The following RCOR2 variants were observed in gnomAD, a reference collection of about 807,000 sequenced individuals.
RCOR2 encodes REST corepressor 2.
Under a neutral mutation model 58.9 loss-of-function variants are expected in RCOR2, and 19 were observed. That is an observed-to-expected ratio of 0.32 (90% CI 0.23 to 0.47). The LOEUF is 0.47. Ranked by LOEUF, RCOR2 falls within the 20% of genes least tolerant of loss-of-function variation. RCOR2 has a pLI of 1.00. For missense variants in RCOR2, 590 were observed against 707.9 expected (o/e 0.83, Z 1.89); for synonymous variants, 286 against 278.7 (o/e 1.03, Z -0.26).
At chr11:63,915,018 C>T (rs372679870) in intron 3 of RCOR2, 64 bp from the exon 4 acceptor site, 152 of 1,600,150 alleles carry the variant, frequency 9.5e-5, no homozygotes, top group Middle Eastern at 3.3e-4. Flanking sequence ...CAGGCCTGTC[C>T]AGAAAGGGAC....
chr11:63,918,378 C>T (rs1941890793), upstream of RCOR2, among the ~76,000 whole-genome samples: 1 of 152,174 alleles, frequency 6.6e-6, no homozygotes, highest in East Asian at 1.9e-4. Context: ...TTCCCGGGGA[C>T]TCCTGCGGAC....
Position 63,915,146 on chromosome 11 carries a change from GC to G in RCOR2, c.265+31del, listed in dbSNP as rs374390957. 7 of 1,540,796 alleles carry G rather than the reference GC, an allele frequency of 4.5e-6. No individual in the cohort carries two copies. The African/African-American group carries it at 9.6e-5, about 21-fold the overall frequency. On this transcript the variant is annotated intron_variant, in intron 3 of 11. Transcript: ENST00000301459. ...TAGCTTGGAGCTGGGATGAACCCAA[GC>G]CCCCACCTCCCAGGGCTGTGCCCCA...
Position 63,914,700 on chromosome 11 carries a change from C to T in RCOR2, c.435G>A (p.Gln145=). 3.7e-6 allele frequency: 6 copies of T among 1,611,976 alleles called. No homozygotes were observed. Among genetic ancestry groups the T allele is most frequent in the Non-Finnish European group, 5.1e-6 (6 of 1,178,900 alleles). ...AGCATTTGCCATGGAAGCCAAAGGC[C>T]TGTTCAAACAGCACCTTGTCCTCTA... is the stretch of plus-strand genomic sequence containing the variant. ...WTVEDKVLFE[Q]AFGFHGKCFQ... The change falls in exon 5 of 12, where the codon CAG becomes CAA. Residue 145 remains glutamine (Q), a synonymous_variant. Coordinates refer to ENST00000301459, the MANE Select transcript of RCOR2 (RefSeq NM_173587.4).
rs1941831670 is a variant in RCOR2 at position 63,914,721 on chromosome 11, C to T, written c.414G>A (p.Glu138=). 1.9e-6 allele frequency: 3 copies of T among 1,613,444 alleles called. No homozygotes were observed. The highest frequency in any genetic ancestry group is 1.7e-6 in the Non-Finnish European group (2 of 1,179,706). ...FTPFPDEWTV[E]DKVLFEQAFG... ...AGGCCTGTTCAAACAGCACCTTGTC[C>T]TCTACTGTCCACTCGTCAGGGAATG... The change falls in exon 5 of 12, where the codon GAG becomes GAA. Residue 138 remains glutamate (E), a synonymous_variant. Transcript: ENST00000301459.
At chr11:63,923,927 A>G in the RCOR2 span, among the ~76,000 whole-genome samples, 1 of 152,176 alleles carries the variant, frequency 6.6e-6, no homozygotes, top group Non-Finnish European at 1.5e-5. Flanking sequence ...TTATTCATTG[A>G]GGCGGAGTTT....
At chr11:63,926,779 GTTTT>G in the RCOR2 span, among the ~76,000 whole-genome samples, 4 of 119,242 alleles carry the variant, frequency 3.4e-5, no homozygotes, top group African/African-American at 1.2e-4. Flanking sequence ...TGCCTGGCCT[GTTTT>G]TTTTTTTTGT....
the RCOR2 span, among the ~76,000 whole-genome samples, chr11:63,922,900 C>T: frequency 2.0e-5 from 3 of 152,176 alleles, no homozygotes; most frequent in African/African-American, 4.8e-5. Context: ...CAGCCCTTCC[C>T]TCAGGGCTGC....
chr11:63,914,227 A>G, intron 7 of RCOR2, 34 bp downstream of exon 7: 1 of 1,613,408 alleles, frequency 6.2e-7, no homozygotes, highest in Non-Finnish European at 8.5e-7. Flanking sequence ...GCAAGAGGAC[A>G]GGCAGGCAGG....
chr11:63,921,978 C>T (rs865874313), upstream of RCOR2, among the ~76,000 whole-genome samples: 15 of 152,330 alleles, frequency 9.8e-5, no homozygotes, highest in South Asian at 2.1e-4. Context: ...GGGCATGAGG[C>T]AGTGCCCTCA....
chr11:63,925,732 C>T, the RCOR2 span, among the ~76,000 whole-genome samples: 14 of 150,580 alleles, frequency 9.3e-5, no homozygotes, highest in Admixed American at 2.0e-4. Flanking sequence ...GTGGGAGGAT[C>T]GCTTGAACCC....
chr11:63,918,390 G>A (rs1488590795), upstream of RCOR2, among the ~76,000 whole-genome samples: 1 of 152,172 alleles, frequency 6.6e-6, no homozygotes, highest in Non-Finnish European at 1.5e-5. Flanking sequence ...CCTGCGGACA[G>A]CCAGGGAAAG....
At chr11:63,926,952 G>C in the RCOR2 span, among the ~76,000 whole-genome samples, 1 of 152,004 alleles carries the variant, frequency 6.6e-6, no homozygotes, top group South Asian at 2.1e-4. Context: ...CTCTCGAGTA[G>C]CTGGGATTGC....
chr11:63,914,977 G>A, intron 3 of RCOR2, 23 bp from the exon 4 acceptor site: 6 of 1,613,764 alleles, frequency 3.7e-6, no homozygotes, highest in Non-Finnish European at 5.1e-6. Flanking sequence ...CAGGGGCAGG[G>A]TCTTGGTGAA....
At position 63,916,484 on chromosome 11, in the gene RCOR2, C is replaced by T; in HGVS notation, c.-28G>A. On this transcript the variant is annotated 5_prime_UTR_variant, in exon 1 of 12. Coordinates refer to ENST00000301459, the MANE Select transcript of RCOR2 (RefSeq NM_173587.4). Reference sequence around the variant, plus strand: ...CCCCGCCCAGCTGCCCCGGGGGGCGCAGGAGCCTTCGGAGAGCGACAGTGG... The same window carrying T: ...CCCCGCCCAGCTGCCCCGGGGGGCGTAGGAGCCTTCGGAGAGCGACAGTGG... 1 of 1,595,902 alleles carries T rather than the reference C, an allele frequency of 6.3e-7. No individual in the cohort carries two copies. The highest frequency in any genetic ancestry group is 2.3e-5 in the East Asian group (1 of 44,334).
At chr11:63,915,415 A>G in intron 2 of RCOR2, 140 bp downstream of exon 2, 1 of 1,137,128 alleles carries the variant, frequency 8.8e-7, no homozygotes, top group Admixed American at 2.0e-5. Flanking sequence ...AGGGCAGGAA[A>G]GCAAACCATG....
In RCOR2 at chr11:63,916,688, G is replaced by T. The variant is rs951974006; in HGVS notation, c.-232C>A. On this transcript the variant is annotated 5_prime_UTR_variant, in exon 1 of 12. Transcript: ENST00000301459. ...GTCAGAAAAGTTTGTGCAGAAGTGG[G>T]GGACGCAAGGGATGAGCGCAAGGTC... 9 of 621,606 alleles carry T rather than the reference G, an allele frequency of 1.4e-5. No homozygotes were observed. In the East Asian group the frequency reaches 2.7e-4, roughly 19 times the overall value. 38.5% of individuals were successfully genotyped at this position (621,606 alleles called of 1,614,324 possible). A position where few individuals can be genotyped will look rare whatever the true frequency, so the allele number is the denominator to read the frequency against.
At chr11:63,924,398 G>A in the RCOR2 span, among the ~76,000 whole-genome samples, 1 of 151,970 alleles carries the variant, frequency 6.6e-6, no homozygotes, top group East Asian at 1.9e-4. Context: ...TAGTAGAGAC[G>A]GGGTTTCACC....
upstream of RCOR2, among the ~76,000 whole-genome samples, chr11:63,918,055 G>GC (rs1449715245): frequency 1.3e-5 from 2 of 151,978 alleles, no homozygotes; most frequent in Admixed American, 6.5e-5. Flanking sequence ...TGCGAGCTGC[G>GC]CCCGTGCCCG....
At chr11:63,915,523 C>G (rs1469530781) in intron 2 of RCOR2, 32 bp downstream of exon 2, 1 of 1,548,604 alleles carries the variant, frequency 6.5e-7, no homozygotes, top group East Asian at 2.4e-5. Context: ...CCTCCACCCC[C>G]ACCCCACTTC....
Sources: allele counts gnomAD v4.1 joint callset (sites outside exome capture counted in the v4.1 genomes callset), GRCh38; gene constraint gnomAD v4.1.1; transcripts MANE v1.5; gene names NCBI Gene and HGNC (gene_info 2026-07-23, HGNC 2026-07-21).